The following DRD3 variants were observed in gnomAD, a reference collection of about 807,000 sequenced individuals.
The protein encoded by DRD3 is D(3) dopamine receptor.
Under a neutral mutation model 36.3 loss-of-function variants are expected in DRD3, and 19 were observed. The observed-to-expected ratio is 0.52, with a 90% CI of 0.36 to 0.77. The LOEUF is 0.77. DRD3 is among the 30% of genes least tolerant of loss of function. The pLI is 0.00. For synonymous variants in DRD3, 195 were observed against 203.7 expected (o/e 0.96, Z 0.36); for missense variants, 465 against 505.3 (o/e 0.92, Z 0.77).
intron 3 of DRD3, among the ~76,000 whole-genome samples, chr3:114,148,837 C>T (rs1238865298): frequency 2.6e-5 from 4 of 152,118 alleles, no homozygotes; most frequent in African/African-American, 4.8e-5. Flanking sequence ...CTCAGCCTCC[C>T]GAGTAGCTGG....
At chr3:114,149,244 G>A (rs989497918) in intron 3 of DRD3, among the ~76,000 whole-genome samples, 1 of 152,166 alleles carries the variant, frequency 6.6e-6, no homozygotes, top group African/African-American at 2.4e-5. Flanking sequence ...CCAGGGAGGA[G>A]GTAAAACTAA....
At chr3:114,136,113 A>C (rs2077472468) in intron 5 of DRD3, among the ~76,000 whole-genome samples, 1 of 152,180 alleles carries the variant, frequency 6.6e-6, no homozygotes, top group Admixed American at 6.5e-5. Context: ...TTGCCTAAGA[A>C]ATCTCATATT....
chr3:114,140,757 C>T (rs2077516967), intron 4 of DRD3, among the ~76,000 whole-genome samples: 2 of 152,196 alleles, frequency 1.3e-5, no homozygotes, highest in African/African-American at 2.4e-5. Flanking sequence ...TGACATGGAA[C>T]ATCTGTGCTT....
At chr3:114,157,646 C>CA (rs1043359850) in intron 3 of DRD3, among the ~76,000 whole-genome samples, 18 of 151,996 alleles carry the variant, frequency 1.2e-4, no homozygotes, top group Admixed American at 1.3e-4. Context: ...GAACAATAAC[C>CA]AAAAAAATGA....
At chr3:114,151,473 T>A (rs941908824) in intron 3 of DRD3, among the ~76,000 whole-genome samples, 2 of 152,164 alleles carry the variant, frequency 1.3e-5, no homozygotes, top group African/African-American at 4.8e-5. Flanking sequence ...GTGGTGTCAA[T>A]ACTCCCACCA....
upstream of DRD3, among the ~76,000 whole-genome samples, chr3:114,181,653 C>A (rs574774503): frequency 1.3e-5 from 2 of 152,240 alleles, no homozygotes; most frequent in South Asian, 4.1e-4. Flanking sequence ...CATGTACTAG[C>A]CAATGGCCCT....
intron 1 of DRD3, among the ~76,000 whole-genome samples, chr3:114,188,593 C>T (rs1228593453): frequency 1.3e-5 from 2 of 152,170 alleles, no homozygotes; most frequent in Non-Finnish European, 2.9e-5. Flanking sequence ...ACCAGCTACA[C>T]GTATTCATAT....
chr3:114,174,747 A>ATT (rs200747394), intron 1 of DRD3, among the ~76,000 whole-genome samples: 8 of 137,238 alleles, frequency 5.8e-5, no homozygotes, highest in South Asian at 4.7e-4. Flanking sequence ...CCCTGCTTAG[A>ATT]TTTTTTTTTT....
chr3:114,197,277 A>AATT (rs1491542620), intron 1 of DRD3, among the ~76,000 whole-genome samples: 27 of 89,364 alleles, frequency 3.0e-4, no homozygotes, highest in African/African-American at 1.2e-3. Flanking sequence ...AATTAAAAAA[A>AATT]TTTTTTTTTT....
chr3:114,152,428 T>C (rs966893160), intron 3 of DRD3, among the ~76,000 whole-genome samples: 4 of 152,252 alleles, frequency 2.6e-5, no homozygotes, highest in African/African-American at 7.2e-5. Flanking sequence ...GGAAAACTTC[T>C]GTGACAAAGA....
chr3:114,192,263 T>C (rs1450634121), intron 1 of DRD3, among the ~76,000 whole-genome samples: 1 of 152,170 alleles, frequency 6.6e-6, no homozygotes, highest in Non-Finnish European at 1.5e-5. Context: ...TGAAAATTAT[T>C]GTTTTGCTTC....
intron 1 of DRD3, among the ~76,000 whole-genome samples, chr3:114,176,794 C>T (rs1162310890): frequency 6.6e-6 from 1 of 152,166 alleles, no homozygotes; most frequent in African/African-American, 2.4e-5. Context: ...CTTTTCTGGT[C>T]TGGGCTGTAA....
upstream of DRD3, among the ~76,000 whole-genome samples, chr3:114,181,754 T>G (rs1396558024): frequency 6.6e-6 from 1 of 152,204 alleles, no homozygotes; most frequent in African/African-American, 2.4e-5. Context: ...ATATGGTTAC[T>G]CAGTGATTTT....
chr3:114,184,943 C>T (rs879782472), intron 1 of DRD3, among the ~76,000 whole-genome samples: 4 of 152,252 alleles, frequency 2.6e-5, no homozygotes, highest in Middle Eastern at 3.4e-3. Context: ...ATTTTGAATA[C>T]GTTGTCCCAC....
At chr3:114,137,888 C>T (rs1378088350) in intron 5 of DRD3, among the ~76,000 whole-genome samples, 2 of 149,450 alleles carry the variant, frequency 1.3e-5, no homozygotes, top group African/African-American at 2.5e-5. Flanking sequence ...GTCCCAGCTA[C>T]TCGGGAGGCT....
Position 114,128,262 on chromosome 3 carries a change from G to A in DRD3, c.*454C>T, listed in dbSNP as rs1214223822. 6.6e-6 allele frequency among the ~76,000 whole-genome samples: 1 copy of A among 152,188 alleles called. No individual in the cohort carries two copies. The highest frequency in any genetic ancestry group is 1.5e-5 in the Non-Finnish European group (1 of 68,030). ...AAGGAAAGAAATGACCAAGAGGAAT[G>A]GGCCCGTAAAAGTACAAGGTTAGCC... On this transcript the variant is annotated 3_prime_UTR_variant, in exon 7 of 7. Transcript: ENST00000383673.
At chr3:114,134,733 A>T (rs1176678953) in intron 5 of DRD3, among the ~76,000 whole-genome samples, 2 of 152,102 alleles carry the variant, frequency 1.3e-5, no homozygotes, top group Non-Finnish European at 2.9e-5. Context: ...AGTTTTTTTT[A>T]AATGGTGGTC....
rs2077391842 is a variant in DRD3 at position 114,127,609 on chromosome 3, A to G, written c.*1107T>C. Among the ~76,000 whole-genome samples the G allele has an allele frequency of 6.6e-6, 1 of 152,250 alleles. No individual in the cohort carries two copies. Among genetic ancestry groups the G allele is most frequent in the Admixed American group, 6.5e-5 (1 of 15,286 alleles). On this transcript the variant is annotated 3_prime_UTR_variant, in exon 7 of 7. Coordinates refer to ENST00000383673, the MANE Select transcript of DRD3 (RefSeq NM_000796.6). ...TAAACCAGTAACATAGTCATTTATT[A>G]TCAATATTAAGTATTACGTACTGTA...
intron 3 of DRD3, among the ~76,000 whole-genome samples, chr3:114,157,814 AG>A (rs1227865397): frequency 6.6e-6 from 1 of 151,992 alleles, no homozygotes; most frequent in Admixed American, 6.6e-5. Context: ...TTTAAAAAAG[AG>A]GGGTAGGCCA....
Sources: gnomAD v4.1 joint callset for allele counts (sites outside exome capture counted in the v4.1 genomes callset) on GRCh38, gnomAD v4.1.1 for gene constraint, MANE v1.5 for transcripts, NCBI Gene and HGNC (gene_info 2026-07-23, HGNC 2026-07-21) for gene names.